The following PLXDC2 variants were observed in gnomAD, a reference collection of about 807,000 sequenced individuals.
PLXDC2 encodes the protein plexin domain containing 2.
PLXDC2 carries 40 observed loss-of-function variants against 68.9 expected under a neutral mutation model. That is an observed-to-expected ratio of 0.58 (90% CI 0.45 to 0.76). The LOEUF (loss-of-function observed/expected upper bound fraction) is 0.76, where lower values mean the gene tolerates loss of function less well. PLXDC2 is among the 30% of genes least tolerant of loss of function. The probability of loss-of-function intolerance (pLI) is 0.00; values close to 1 mark genes in which losing one functional copy is unlikely to be tolerated. For missense variants in PLXDC2, 644 were observed against 661.9 expected, an observed-to-expected ratio of 0.97 and a Z score of 0.30; for synonymous variants, 243 against 234.2, an observed-to-expected ratio of 1.04 and a Z score of -0.34.
At chr10:20,094,116 C>A (rs889504946) in intron 4 of PLXDC2, among the ~76,000 whole-genome samples, 8 of 152,146 alleles carry the variant, frequency 5.3e-5, no homozygotes, top group African/African-American at 1.9e-4. Flanking sequence ...AAATAATTTA[C>A]AAAATATTTT....
intron 4 of PLXDC2, among the ~76,000 whole-genome samples, chr10:20,115,915 G>C (rs16919879): frequency 0.012 from 1,901 of 152,226 alleles, 32 homozygotes; most frequent in African/African-American, 0.04. Context: ...TTAAACGGGA[G>C]CTGCAGATAA....
At chr10:20,056,236 G>A (rs565351103) in intron 3 of PLXDC2, among the ~76,000 whole-genome samples, 10 of 152,158 alleles carry the variant, frequency 6.6e-5, no homozygotes, top group Admixed American at 3.9e-4. Flanking sequence ...ATTATACTTA[G>A]GTCACTTACC....
rs191094178 is a variant in PLXDC2 at position 19,898,327 on chromosome 10, A to G, written c.112+81136A>G. Reference sequence around the variant, plus strand: ...GTTTAAACTTGACATCAAGGAATTTAGATATAATAATCATCAGGTTTGTTT... The same window carrying G: ...GTTTAAACTTGACATCAAGGAATTTGGATATAATAATCATCAGGTTTGTTT... On this transcript the variant is annotated intron_variant, in intron 1 of 13. Coordinates refer to ENST00000377252, the MANE Select transcript of PLXDC2 (RefSeq NM_032812.9). Among the ~76,000 whole-genome samples, 168 of 152,304 alleles carry G rather than the reference A, an allele frequency of 1.1e-3. 1 individual carries two copies. Among genetic ancestry groups the G allele is most frequent in the African/African-American group, 3.9e-3 (161 of 41,556 alleles).
intron 2 of PLXDC2, among the ~76,000 whole-genome samples, chr10:20,007,365 C>T (rs891223564): frequency 6.6e-6 from 1 of 152,198 alleles, no homozygotes; most frequent in African/African-American, 2.4e-5. Flanking sequence ...TAGTGTTCTT[C>T]ACTTTATAGA....
intron 7 of PLXDC2, among the ~76,000 whole-genome samples, chr10:20,175,234 A>G (rs1454056344): frequency 3.3e-5 from 5 of 152,186 alleles, no homozygotes; most frequent in Admixed American, 1.3e-4. Context: ...ATCTCATTTT[A>G]ATCCTCAAAG....
intron 1 of PLXDC2, among the ~76,000 whole-genome samples, chr10:19,832,935 A>T (rs1322129554): frequency 6.6e-6 from 1 of 152,200 alleles, no homozygotes; most frequent in Non-Finnish European, 1.5e-5. Flanking sequence ...TGACCTTGGG[A>T]AAAAATATTA....
chr10:20,193,231 A>G (rs1204363183), intron 9 of PLXDC2, among the ~76,000 whole-genome samples: 2 of 152,090 alleles, frequency 1.3e-5, no homozygotes, highest in Admixed American at 1.3e-4. Flanking sequence ...TAAGCCCAGA[A>G]TATTCACCGT....
At chr10:19,865,816 TAC>T (rs1365222925) in intron 1 of PLXDC2, among the ~76,000 whole-genome samples, 1 of 152,200 alleles carries the variant, frequency 6.6e-6, no homozygotes, top group African/African-American at 2.4e-5. Flanking sequence ...TTTCTGGAAA[TAC>T]ACAGTCTTAA....
rs149465360 is a variant in PLXDC2, at chr10:20,008,622, T to C, written c.324+6636T>C. On this transcript the variant is annotated intron_variant, in intron 2 of 13. Transcript: ENST00000377252. ...TATGAAGAAAAAGCAAATTTTGTAA[T>C]GTTGATGTGGACAGAATCTCCATGT... Among the ~76,000 whole-genome samples the C allele has an allele frequency of 4.6e-4, 70 of 152,280 alleles. No individual in the cohort carries two copies. The East Asian group carries it at 7.9e-3, about 17-fold the overall frequency.
chr10:20,015,320 A>G (rs1835192379), intron 2 of PLXDC2, among the ~76,000 whole-genome samples: 1 of 152,110 alleles, frequency 6.6e-6, no homozygotes, highest in South Asian at 2.1e-4. Flanking sequence ...CAAAGTCTCT[A>G]AAGAGAAATT....
Position 19,984,312 on chromosome 10 carries a change from C to CT in PLXDC2, c.113-17460dup, listed in dbSNP as rs373915044. 2.9e-3 allele frequency among the ~76,000 whole-genome samples: 447 copies of CT among 152,164 alleles called. 1 individual carries two copies. The highest frequency in any genetic ancestry group is 0.01 in the African/African-American group (425 of 41,536). ...AATGCCACTGAACATCCCAGGTGGA[C>CT]TTTGTGTGGGAGCTGAAACTGAACC... is the stretch of plus-strand genomic sequence containing the variant. On this transcript the variant is annotated intron_variant, in intron 1 of 13. Transcript: ENST00000377252.
intron 4 of PLXDC2, among the ~76,000 whole-genome samples, chr10:20,111,418 T>A (rs1833558577): frequency 6.6e-6 from 1 of 152,230 alleles, no homozygotes; most frequent in Non-Finnish European, 1.5e-5. Flanking sequence ...AGGACACTTT[T>A]TAAATTTGGA....
intron 1 of PLXDC2, among the ~76,000 whole-genome samples, chr10:19,854,710 C>T (rs995430383): frequency 3.3e-5 from 5 of 152,258 alleles, no homozygotes; most frequent in East Asian, 1.9e-4. Context: ...CTTCCAGAAA[C>T]GCCAGTGTCT....
chr10:20,011,972 G>T (rs1281239314), intron 2 of PLXDC2, among the ~76,000 whole-genome samples: 1 of 152,150 alleles, frequency 6.6e-6, no homozygotes, highest in Non-Finnish European at 1.5e-5. Flanking sequence ...GGATGATAGT[G>T]TCTGATAAAC....
intron 1 of PLXDC2, among the ~76,000 whole-genome samples, chr10:19,826,916 G>A (rs935226231): frequency 1.3e-5 from 2 of 152,200 alleles, no homozygotes; most frequent in African/African-American, 4.8e-5. Context: ...ACTGAGTTGT[G>A]TAATAAATCA....
intron 3 of PLXDC2, among the ~76,000 whole-genome samples, chr10:20,058,006 A>T (rs1054039025): frequency 9.2e-5 from 14 of 151,714 alleles, no homozygotes; most frequent in South Asian, 4.1e-4. Flanking sequence ...ATTTTTTTTT[A>T]AAAAAAGAGA....
intron 1 of PLXDC2, among the ~76,000 whole-genome samples, chr10:19,945,310 T>G (rs1415301960): frequency 6.6e-6 from 1 of 152,242 alleles, no homozygotes; most frequent in African/African-American, 2.4e-5. Flanking sequence ...TTTTTGTCAG[T>G]GTCTCAGGTG....
intron 4 of PLXDC2, among the ~76,000 whole-genome samples, chr10:20,096,041 CTTCT>C (rs1383637500): frequency 2.0e-5 from 3 of 152,084 alleles, no homozygotes; most frequent in African/African-American, 4.8e-5. Context: ...CATAGAACTC[CTTCT>C]TTCTTCTTCT....
At chr10:19,921,112 CTTT>C (rs57207021) in intron 1 of PLXDC2, among the ~76,000 whole-genome samples, 19 of 137,550 alleles carry the variant, frequency 1.4e-4, no homozygotes, top group Admixed American at 2.2e-4. Flanking sequence ...TTTTCTTCTT[CTTT>C]TTTTTTTTTT....
Sources: gnomAD v4.1 joint callset for allele counts (sites outside exome capture counted in the v4.1 genomes callset) on GRCh38, gnomAD v4.1.1 for gene constraint, MANE v1.5 for transcripts, NCBI Gene and HGNC (gene_info 2026-07-23, HGNC 2026-07-21) for gene names.